The following TTC28 variants were observed in gnomAD, a reference collection of about 807,000 sequenced individuals.
The protein encoded by TTC28 is tetratricopeptide repeat protein 28.
Under a neutral mutation model 198.0 loss-of-function variants are expected in TTC28, and 61 were observed. The observed-to-expected ratio is 0.31, with a 90% CI of 0.25 to 0.38. The LOEUF is 0.38. TTC28 is among the 10% of genes least tolerant of loss of function. TTC28 has a pLI of 1.00. For synonymous variants in TTC28, 1,171 were observed against 1,297.8 expected (o/e 0.90, Z 2.10); for missense variants, 2,678 against 3,164.0 (o/e 0.85, Z 3.69).
chr22:28,308,139 GATA>G (rs1359876042), intron 2 of TTC28, among the ~76,000 whole-genome samples: 1 of 152,120 alleles, frequency 6.6e-6, no homozygotes, highest in Non-Finnish European at 1.5e-5. Flanking sequence ...ACCCCAGTAA[GATA>G]ATAACCTGTA....
At chr22:28,047,034 G>C (rs980878526) in intron 12 of TTC28, among the ~76,000 whole-genome samples, 2 of 152,188 alleles carry the variant, frequency 1.3e-5, no homozygotes, top group African/African-American at 4.8e-5. Context: ...CGGCCAGAGA[G>C]AAGGGAATGA....
chr22:28,530,652 C>T (rs1206119194), intron 2 of TTC28, among the ~76,000 whole-genome samples: 1 of 152,080 alleles, frequency 6.6e-6, no homozygotes, highest in Admixed American at 6.6e-5. Flanking sequence ...TTAAGGGCAG[C>T]CAGAGAGAAA....
At chr22:28,644,398 C>CAAAAA (rs550663869) in intron 1 of TTC28, among the ~76,000 whole-genome samples, 6 of 114,628 alleles carry the variant, frequency 5.2e-5, no homozygotes, top group East Asian at 5.1e-4. Flanking sequence ...GACTCCATCT[C>CAAAAA]AAAAAAAAAA....
intron 2 of TTC28, among the ~76,000 whole-genome samples, chr22:28,594,260 T>G (rs1044280707): frequency 2.0e-5 from 3 of 148,864 alleles, no homozygotes; most frequent in African/African-American, 7.3e-5. Flanking sequence ...TATAATTATA[T>G]TTATTAATAT....
intron 2 of TTC28, among the ~76,000 whole-genome samples, chr22:28,479,724 A>G (rs1185382120): frequency 1.3e-5 from 2 of 152,036 alleles, no homozygotes; most frequent in Non-Finnish European, 2.9e-5. Context: ...CCTCAAAATA[A>G]TCTTCCTTGT....
chr22:28,109,446 G>T (rs888798529), intron 6 of TTC28, among the ~76,000 whole-genome samples: 1 of 152,170 alleles, frequency 6.6e-6, no homozygotes, highest in African/African-American at 2.4e-5. Flanking sequence ...AAAAATAGTT[G>T]CCTTGTTAGG....
chr22:28,145,549 T>C (rs981505153), intron 6 of TTC28, among the ~76,000 whole-genome samples: 6 of 152,192 alleles, frequency 3.9e-5, no homozygotes, highest in African/African-American at 9.6e-5. Context: ...TATGGATCTC[T>C]TTCATTTGAA....
chr22:28,007,017 A>C (rs1937955581), intron 14 of TTC28: 1 of 152,114 alleles, frequency 6.6e-6, no homozygotes, highest in African/African-American at 2.4e-5. Flanking sequence ...GAGGAATGAA[A>C]ATCTCTGATC....
intron 6 of TTC28, among the ~76,000 whole-genome samples, chr22:28,158,958 T>A (rs1410148272): frequency 2.6e-5 from 4 of 152,120 alleles, no homozygotes; most frequent in Non-Finnish European, 5.9e-5. Flanking sequence ...AAGGATACCA[T>A]CAACAAAGTG....
chr22:28,208,553 G>A (rs1926625567), intron 5 of TTC28, among the ~76,000 whole-genome samples: 1 of 152,094 alleles, frequency 6.6e-6, no homozygotes, highest in Non-Finnish European at 1.5e-5. Flanking sequence ...GAATAAAAAT[G>A]GCCTAACATT....
At chr22:28,023,876 C>A (rs371652874) in intron 13 of TTC28, among the ~76,000 whole-genome samples, 1 of 152,272 alleles carries the variant, frequency 6.6e-6, no homozygotes. Context: ...CTCTAAGCCT[C>A]GGTGTCATCA....
chr22:28,211,452 T>C (rs980117741), intron 5 of TTC28, among the ~76,000 whole-genome samples: 15 of 151,196 alleles, frequency 9.9e-5, no homozygotes, highest in African/African-American at 3.6e-4. Flanking sequence ...ACCAAGCAAA[T>C]GGAAAACAAA....
At chr22:28,588,003 G>A (rs1345790644) in intron 2 of TTC28, among the ~76,000 whole-genome samples, 3 of 151,684 alleles carry the variant, frequency 2.0e-5, no homozygotes, top group East Asian at 2.0e-4. Context: ...TTAGCCAGGC[G>A]TGGTGGCAGG....
intron 6 of TTC28, among the ~76,000 whole-genome samples, chr22:28,137,858 T>C (rs185864904): frequency 1.3e-5 from 2 of 151,956 alleles, no homozygotes; most frequent in African/African-American, 4.8e-5. Flanking sequence ...CTACTAAAAA[T>C]ACAAAAATCA....
chr22:28,317,919 G>A (rs964983538), intron 2 of TTC28, among the ~76,000 whole-genome samples: 31 of 152,062 alleles, frequency 2.0e-4, no homozygotes, highest in Non-Finnish European at 1.0e-4. Context: ...GCTTTTGCTT[G>A]TTGTTTTGGG....
intron 2 of TTC28, among the ~76,000 whole-genome samples, chr22:28,383,076 A>G (rs564936694): frequency 5.3e-5 from 8 of 152,274 alleles, no homozygotes; most frequent in African/African-American, 1.9e-4. Context: ...CCATTCTTCC[A>G]AAGTCTATCA....
intron 12 of TTC28, among the ~76,000 whole-genome samples, chr22:28,049,778 G>C (rs893354895): frequency 2.6e-5 from 4 of 152,144 alleles, no homozygotes; most frequent in Admixed American, 1.3e-4. Context: ...TGGTGTGTGA[G>C]GGGGTGCAGT....
intron 2 of TTC28, among the ~76,000 whole-genome samples, chr22:28,355,811 CAGA>C (rs2046068922): frequency 6.6e-6 from 1 of 152,174 alleles, no homozygotes. Context: ...TGCTGAAGGG[CAGA>C]AGATCACCCT....
At chr22:28,272,569 A>T (rs1367939073) in intron 5 of TTC28, among the ~76,000 whole-genome samples, 1 of 152,246 alleles carries the variant, frequency 6.6e-6, no homozygotes, top group Non-Finnish European at 1.5e-5. Context: ...AAATATTCAT[A>T]AAAATCACAT....
Sources: gnomAD v4.1 joint callset for allele counts (sites outside exome capture counted in the v4.1 genomes callset) on GRCh38, gnomAD v4.1.1 for gene constraint, MANE v1.5 for transcripts, NCBI Gene and HGNC (gene_info 2026-07-23, HGNC 2026-07-21) for gene names.